NOD1: variants seen among roughly 807,000 people sequenced by gnomAD.
The protein encoded by NOD1 is nucleotide binding oligomerization domain containing 1, also known as nucleotide-binding oligomerization domain-containing protein 1.
Under a neutral mutation model 81.2 loss-of-function variants are expected in NOD1, and 70 were observed. That is an observed-to-expected ratio of 0.86 (90% confidence interval 0.71 to 1.05). The LOEUF (loss-of-function observed/expected upper bound fraction) is 1.05. NOD1 is among the 50% of genes least tolerant of loss of function. The pLI, the probability that NOD1 is intolerant of heterozygous loss-of-function variation, is 0.00. For missense variants in NOD1, 1,233 were observed against 1,228.0 expected (o/e 1.00, Z -0.06); for synonymous variants, 508 against 526.9 (o/e 0.96, Z 0.49).
chr7:30,451,600 T>C lies in NOD1; in HGVS notation c.1817A>G (p.His606Arg). The change falls in exon 6 of 14, where the codon CAT becomes CGT. Residue 606 changes from histidine to arginine, a missense_variant. Transcript: ENST00000222823. The surrounding 1 kb of genome is among the most constrained non-coding windows in gnomAD (Gnocchi z 4.2). ...LSKAKQKLLR[H>R]LVPAAALRRK... Reference sequence around the variant, plus strand: ...CCTCAGGGCTGCCGCGGGCACCAGATGCCGCAGGAGTTTCTGTTTGGCTTT... The same window carrying C: ...CCTCAGGGCTGCCGCGGGCACCAGACGCCGCAGGAGTTTCTGTTTGGCTTT... 6.2e-7 allele frequency: 1 copy of C among 1,613,852 alleles called. No individual in the cohort carries two copies. The highest frequency in any genetic ancestry group is 8.5e-7 in the Non-Finnish European group (1 of 1,180,002).
At chr7:30,459,348 C>T (rs2075479301) in intron 2 of NOD1, 108 bp from the exon 3 acceptor site, 1 of 152,540 alleles carries the variant, frequency 6.6e-6, no homozygotes, top group Non-Finnish European at 1.5e-5. Context: ...AGGTATCAGA[C>T]TACTCTCTGT....
At position 30,436,556 on chromosome 7, in the gene NOD1, G is replaced by A. The variant is rs978940085; in HGVS notation, c.2538-475C>T. On this transcript the variant is annotated intron_variant, in intron 10 of 13. Transcript: ENST00000222823. Reference sequence around the variant, plus strand: ...CCAAGATTTGGCCAGCAGCCTAAGCGGGGGCTGGGTAGGTGCATCCCCATT... The same window carrying A: ...CCAAGATTTGGCCAGCAGCCTAAGCAGGGGCTGGGTAGGTGCATCCCCATT... 1.5e-4 allele frequency among the ~76,000 whole-genome samples: 22 copies of A among 151,328 alleles called. 1 individual carries two copies. In the East Asian group the frequency reaches 1.9e-3, roughly 13 times the overall value.
At position 30,456,887 on chromosome 7, in the gene NOD1, A is replaced by T. The variant is rs1562698027; in HGVS notation, c.35T>A (p.Ile12Asn). Residue 12 changes from isoleucine to asparagine, a missense_variant, in exon 4 of 14, where the codon ATC becomes AAC. Coordinates refer to ENST00000222823, the MANE Select transcript of NOD1 (RefSeq NM_006092.4). ...EEQGHSEMEIIPSESHPHIQL... is the reference protein window; with the variant it reads ...EEQGHSEMEINPSESHPHIQL... ...AATGTGGGGGTGAGACTCTGATGGGATTATTTCCATCTCACTGTGGCCCTG... is the reference window on the plus strand; with the variant it reads ...AATGTGGGGGTGAGACTCTGATGGGTTTATTTCCATCTCACTGTGGCCCTG... The T allele has an allele frequency of 3.7e-6, 6 of 1,614,160 alleles. No homozygotes were observed. The highest frequency in any genetic ancestry group is 4.2e-6 in the Non-Finnish European group (5 of 1,180,028).
chr7:30,477,293 G>A (rs1162289817), intron 1 of NOD1, among the ~76,000 whole-genome samples: 4 of 152,224 alleles, frequency 2.6e-5, no homozygotes, highest in Non-Finnish European at 5.9e-5. Context: ...GTAGAAGTCT[G>A]TACTTTGTCA....
chr7:30,452,356 G>C lies in NOD1; in HGVS notation c.1061C>G (p.Pro354Arg), dbSNP rs781740731. The C allele has an allele frequency of 1.2e-6, 2 of 1,613,332 alleles. No homozygotes were observed. Among genetic ancestry groups the C allele is most frequent in the South Asian group, 2.2e-5 (2 of 91,086 alleles). Residue 354 changes from proline to arginine, a missense_variant, in exon 6 of 14, where the codon CCC becomes CGC. Pro to Arg is a moderately radical substitution (Grantham distance 103, BLOSUM62 -2). Transcript: ENST00000222823. ...RKKVLLRGFS[P>R]SHLRAYARRM... ...CCTGGCATAGGCGCGCAGGTGGCTG[G>C]GGGAGAAGCCCCGGAGAAGCACCTT... is the stretch of plus-strand genomic sequence containing the variant.
At chr7:30,446,928 A>G (rs759519385) in intron 8 of NOD1, 39 bp downstream of exon 8, 9 of 1,500,850 alleles carry the variant, frequency 6.0e-6, no homozygotes, top group Non-Finnish European at 7.4e-6. Context: ...GGGGTGATCA[A>G]GAGAATATAC....
At chr7:30,434,846 G>A (rs1400927944) in intron 11 of NOD1, among the ~76,000 whole-genome samples, 1 of 152,146 alleles carries the variant, frequency 6.6e-6, no homozygotes, top group Non-Finnish European at 1.5e-5. Context: ...ATTATTCTCA[G>A]TAACTAATTT....
chr7:30,464,841 T>A (rs1272703476), intron 1 of NOD1, among the ~76,000 whole-genome samples: 1 of 152,210 alleles, frequency 6.6e-6, no homozygotes, highest in Non-Finnish European at 1.5e-5. Flanking sequence ...TTAAGTGAGT[T>A]AATATGCACA....
At chr7:30,446,880 G>T (rs1447678018) in intron 8 of NOD1, 87 bp downstream of exon 8, 3 of 1,085,056 alleles carry the variant, frequency 2.8e-6, no homozygotes, top group East Asian at 4.7e-5. Flanking sequence ...TAGGATGAAA[G>T]CTCTTTACTG....
chr7:30,461,472 C>G (rs1415371028), intron 1 of NOD1, among the ~76,000 whole-genome samples: 2 of 152,176 alleles, frequency 1.3e-5, no homozygotes, highest in East Asian at 3.8e-4. Flanking sequence ...GCCACTGCAC[C>G]CAGCCCATCA....
intron 12 of NOD1, among the ~76,000 whole-genome samples, chr7:30,431,927 G>C (rs1783988209): frequency 6.6e-6 from 1 of 152,134 alleles, no homozygotes; most frequent in Non-Finnish European, 1.5e-5. Flanking sequence ...CCTAAATGGT[G>C]AAACCCCATC....
chr7:30,458,577 C>T (rs774675718), intron 3 of NOD1, among the ~76,000 whole-genome samples: 1 of 152,044 alleles, frequency 6.6e-6, no homozygotes, highest in East Asian at 1.9e-4. Context: ...CCAGACCCCA[C>T]ACAATAGCTT....
chr7:30,439,306 G>T (rs1048251879), intron 9 of NOD1, among the ~76,000 whole-genome samples: 6 of 140,962 alleles, frequency 4.3e-5, no homozygotes, highest in Non-Finnish European at 8.8e-5. Context: ...CGTGAGCGAC[G>T]CAGAAGACGG....
In NOD1 at chr7:30,451,599, A is replaced by G. The variant is rs776504729; in HGVS notation, c.1818T>C (p.His606=). 6.2e-6 allele frequency: 10 copies of G among 1,613,814 alleles called. No individual in the cohort carries two copies. The highest frequency in any genetic ancestry group is 6.8e-6 in the Non-Finnish European group (8 of 1,180,002). Residue 606 remains histidine (H), a synonymous_variant, in exon 6 of 14, where the codon CAT becomes CAC. Transcript: ENST00000222823. The surrounding 1 kb of genome is among the most constrained non-coding windows in gnomAD (Gnocchi z 4.2). Reference sequence around the variant, plus strand: ...TCCTCAGGGCTGCCGCGGGCACCAGATGCCGCAGGAGTTTCTGTTTGGCTT... The same window carrying G: ...TCCTCAGGGCTGCCGCGGGCACCAGGTGCCGCAGGAGTTTCTGTTTGGCTT... The part of the protein sequence containing the change: ...LSKAKQKLLR[H]LVPAAALRRK...
chr7:30,445,278 T>TAAAAAAAAAAAAAAAAAAAAAA (rs55875433), intron 9 of NOD1, among the ~76,000 whole-genome samples: 4 of 69,174 alleles, frequency 5.8e-5, no homozygotes, highest in African/African-American at 7.0e-5. Flanking sequence ...AAAAAGAATC[T>TAAAAAAAAAAAAAAAAAAAAAA]AAAAAAAAAA....
At chr7:30,460,579 A>G in intron 1 of NOD1, 1 of 985,462 alleles carries the variant, frequency 1.0e-6, no homozygotes, top group Non-Finnish European at 1.2e-6. Flanking sequence ...GGCAGCCAGA[A>G]AACAGGACAC....
intron 4 of NOD1, among the ~76,000 whole-genome samples, chr7:30,456,493 C>T (rs187129747): frequency 2.0e-5 from 3 of 152,306 alleles, no homozygotes; most frequent in Admixed American, 2.0e-4. Context: ...CCAATACACA[C>T]AGCAATGAGA....
chr7:30,462,904 G>A (rs1787272024), intron 1 of NOD1, among the ~76,000 whole-genome samples: 1 of 148,292 alleles, frequency 6.7e-6, no homozygotes, highest in African/African-American at 2.5e-5. Context: ...AGCCAAGATC[G>A]TACCATTGCA....
chr7:30,445,277 C>CTAAAAAAAAAAAAAAAAAAAAAAAAAAAA, intron 9 of NOD1, among the ~76,000 whole-genome samples: 1 of 54,156 alleles, frequency 1.8e-5, no homozygotes, highest in Middle Eastern at 0.012. Flanking sequence ...AAAAAAGAAT[C>CTAAAAAAAAAAAAAAAAAAAAAAAAAAAA]TAAAAAAAAA....
Sources: allele counts gnomAD v4.1 joint callset (sites outside exome capture counted in the v4.1 genomes callset), GRCh38; gene constraint gnomAD v4.1.1; non-coding constraint Gnocchi (gnomAD v3.1); transcripts MANE v1.5; gene names NCBI Gene and HGNC (gene_info 2026-07-23, HGNC 2026-07-21).